The following UNC13C variants were observed in gnomAD, a reference collection of about 807,000 sequenced individuals.
UNC13C encodes unc-13 homolog C.
A neutral mutation model predicts 245.4 loss-of-function variants in UNC13C; 174 were observed. That is an observed-to-expected ratio of 0.71 (90% CI 0.63 to 0.80). The LOEUF (loss-of-function observed/expected upper bound fraction) is 0.80, where lower values mean the gene tolerates loss of function less well. Among genes scored for constraint, UNC13C ranks in the 30% least tolerant of loss-of-function variants. UNC13C has a pLI of 0.00. For missense variants in UNC13C, 2,829 were observed against 2,602.9 expected (o/e 1.09, Z -1.89); for synonymous variants, 992 against 895.1 (o/e 1.11, Z -1.93).
chr15:54,147,087 C>A (rs780522251), intron 4 of UNC13C, among the ~76,000 whole-genome samples: 1 of 152,096 alleles, frequency 6.6e-6, no homozygotes, highest in Non-Finnish European at 1.5e-5. Context: ...GAATGCTGCA[C>A]CCGGTGAATG....
the UNC13C span, among the ~76,000 whole-genome samples, chr15:53,936,586 A>G: frequency 8.5e-5 from 13 of 152,300 alleles, no homozygotes; most frequent in South Asian, 2.7e-3. Context: ...GAAACCTCCC[A>G]ACAGGGGTCT....
chr15:53,908,829 A>T, the UNC13C span, among the ~76,000 whole-genome samples: 1 of 144,892 alleles, frequency 6.9e-6, no homozygotes, highest in African/African-American at 2.5e-5. Context: ...TAGAATACTT[A>T]ATTATATTTA....
intron 19 of UNC13C, among the ~76,000 whole-genome samples, chr15:54,490,432 A>G (rs941834553): frequency 6.6e-6 from 1 of 152,130 alleles, no homozygotes; most frequent in Non-Finnish European, 1.5e-5. Context: ...GCAGGAATGT[A>G]GGGAGTTTGC....
intron 13 of UNC13C, among the ~76,000 whole-genome samples, chr15:54,309,630 G>C (rs2037816577): frequency 6.6e-6 from 1 of 151,772 alleles, no homozygotes; most frequent in African/African-American, 2.4e-5. Flanking sequence ...TAGTTTTATA[G>C]TTTTGGGTCT....
At chr15:54,382,140 A>G (rs180672020) in intron 17 of UNC13C, among the ~76,000 whole-genome samples, 9 of 152,340 alleles carry the variant, frequency 5.9e-5, no homozygotes, top group Admixed American at 5.2e-4. Flanking sequence ...ACACTCCTGA[A>G]TGACCATTGG....
At chr15:54,162,980 G>A (rs1006289285) in intron 4 of UNC13C, among the ~76,000 whole-genome samples, 1 of 152,094 alleles carries the variant, frequency 6.6e-6, no homozygotes, top group Non-Finnish European at 1.5e-5. Context: ...GTTGTGCCGC[G>A]TTTTAGGATT....
At chr15:53,876,622 T>C in the UNC13C span, among the ~76,000 whole-genome samples, 2 of 152,224 alleles carry the variant, frequency 1.3e-5, no homozygotes, top group African/African-American at 4.8e-5. Context: ...AGGCTTTTTT[T>C]TGGTTTCAAA....
At chr15:54,519,031 C>G (rs1333599658) in intron 24 of UNC13C, among the ~76,000 whole-genome samples, 1 of 152,090 alleles carries the variant, frequency 6.6e-6, no homozygotes, top group African/African-American at 2.4e-5. Flanking sequence ...GAAATAGCTT[C>G]TAAGAATGCA....
intron 1 of UNC13C, among the ~76,000 whole-genome samples, chr15:53,997,733 A>G (rs1427057627): frequency 1.3e-5 from 2 of 152,070 alleles, no homozygotes; most frequent in Non-Finnish European, 2.9e-5. Flanking sequence ...CAGTATCACT[A>G]CTACTGCAGC....
intron 17 of UNC13C, among the ~76,000 whole-genome samples, chr15:54,367,537 G>A (rs115733054): frequency 0.011 from 1,708 of 152,202 alleles, 31 homozygotes; most frequent in African/African-American, 0.039. Flanking sequence ...TCACTTTCTT[G>A]CCCCTGTCCA....
chr15:54,293,820 A>G, intron 10 of UNC13C, 75 bp from the exon 11 acceptor site: 1 of 1,250,532 alleles, frequency 8.0e-7, no homozygotes. Flanking sequence ...GAATAGATAG[A>G]AAATAAAGTA....
intron 24 of UNC13C, 39 bp downstream of exon 24, chr15:54,511,869 T>C (rs1241676526): frequency 6.5e-6 from 9 of 1,386,984 alleles, no homozygotes; most frequent in Non-Finnish European, 9.1e-6. Flanking sequence ...AAAAACCTAC[T>C]TAGAGATTAT....
upstream of UNC13C, among the ~76,000 whole-genome samples, chr15:53,977,151 G>C (rs1020380626): frequency 1.3e-5 from 2 of 152,156 alleles, no homozygotes; most frequent in Admixed American, 6.5e-5. Context: ...CTTAAGCAGC[G>C]GGTAAGGGAA....
the UNC13C span, among the ~76,000 whole-genome samples, chr15:53,906,321 A>AAAAGAAGT: frequency 6.6e-6 from 1 of 152,152 alleles, no homozygotes; most frequent in Non-Finnish European, 1.5e-5. Context: ...CTGTCTCAAA[A>AAAAGAAGT]AAAGAAGTCT....
chr15:54,486,953 A>T (rs1893447149), intron 19 of UNC13C, among the ~76,000 whole-genome samples: 1 of 152,210 alleles, frequency 6.6e-6, no homozygotes, highest in Non-Finnish European at 1.5e-5. Flanking sequence ...CCAGAACTAG[A>T]TATAAGCCAA....
At chr15:54,033,703 G>T (rs962122982) in intron 2 of UNC13C, among the ~76,000 whole-genome samples, 1 of 152,168 alleles carries the variant, frequency 6.6e-6, no homozygotes, top group East Asian at 1.9e-4. Context: ...AAAACCCAGA[G>T]ATATTATGTA....
At chr15:53,844,912 C>G in the UNC13C span, among the ~76,000 whole-genome samples, 1 of 152,160 alleles carries the variant, frequency 6.6e-6, no homozygotes, top group African/African-American at 2.4e-5. Flanking sequence ...TTGTCTTTGA[C>G]TTTCTCAAGT....
intron 4 of UNC13C, among the ~76,000 whole-genome samples, chr15:54,199,731 G>C (rs1431140142): frequency 6.6e-6 from 1 of 151,956 alleles, no homozygotes; most frequent in African/African-American, 2.4e-5. Context: ...AACCAAAATA[G>C]AACCTACTTA....
intron 19 of UNC13C, among the ~76,000 whole-genome samples, chr15:54,468,899 A>G (rs1892314130): frequency 6.6e-6 from 1 of 151,484 alleles, no homozygotes; most frequent in Admixed American, 6.6e-5. Flanking sequence ...CTTTGGCTCA[A>G]GATTACTTTG....
Sources: gnomAD v4.1 joint callset for allele counts (sites outside exome capture counted in the v4.1 genomes callset) on GRCh38, gnomAD v4.1.1 for gene constraint, MANE v1.5 for transcripts, NCBI Gene and HGNC (gene_info 2026-07-23, HGNC 2026-07-21) for gene names.